Variants in CCDC62 observed in about 807,000 individuals in gnomAD.
CCDC62 encodes coiled-coil domain-containing protein 62.
A neutral mutation model predicts 80.8 loss-of-function variants in CCDC62; 72 were observed. The observed-to-expected ratio is 0.89, with a 90% CI of 0.74 to 1.08. CCDC62 has a LOEUF of 1.08. CCDC62 is among the 50% of genes least tolerant of loss of function. CCDC62 has a pLI of 0.00. For missense variants in CCDC62, 704 were observed against 809.4 expected, an observed-to-expected ratio of 0.87 and a Z score of 1.58; for synonymous variants, 286 against 296.5, an observed-to-expected ratio of 0.96 and a Z score of 0.36.
At chr12:122,780,474 C>T (rs553154311) in intron 2 of CCDC62, among the ~76,000 whole-genome samples, 1 of 151,318 alleles carries the variant, frequency 6.6e-6, no homozygotes, top group East Asian at 1.9e-4. Context: ...ATTAGCCAGG[C>T]GTGGTGGCAG....
rs76251935 is a variant in CCDC62, at chr12:122,815,968, T to A, written c.2001+2549T>A. Among the ~76,000 whole-genome samples, 505 of 152,308 alleles carry A rather than the reference T, an allele frequency of 3.3e-3. 2 individuals carry two copies. The highest frequency in any genetic ancestry group is 0.011 in the African/African-American group (470 of 41,582). The stretch of plus-strand genomic sequence containing the variant: ...CTCTCTGATGGCAATTCTTGCTTAG[T>A]CCTTCAGATTGGTATTTTGTTAGAT... On this transcript the variant is annotated intron_variant, in intron 11 of 12. Transcript: ENST00000253079.
intron 2 of CCDC62, among the ~76,000 whole-genome samples, chr12:122,780,122 C>T (rs1352884634): frequency 4.2e-4 from 56 of 133,826 alleles, no homozygotes; most frequent in East Asian, 1.6e-3. Context: ...CCATCCTGGC[C>T]AATATGGTGA....
At chr12:122,821,827 ATAG>A (rs2032413185) in intron 11 of CCDC62, among the ~76,000 whole-genome samples, 1 of 152,184 alleles carries the variant, frequency 6.6e-6, no homozygotes, top group African/African-American at 2.4e-5. Flanking sequence ...TGTATATAAC[ATAG>A]TAGAATGACT....
Position 122,781,202 on chromosome 12 carries a change from A to G in CCDC62, c.268A>G (p.Thr90Ala), listed in dbSNP as rs1379678871. 1 of 1,614,098 alleles carries G rather than the reference A, an allele frequency of 6.2e-7. No individual in the cohort carries two copies. The highest frequency in any genetic ancestry group is 8.5e-7 in the Non-Finnish European group (1 of 1,179,964). The change falls in exon 3 of 13, where the codon ACG becomes GCG. Residue 90 changes from threonine to alanine, a missense_variant. Physicochemically the swap from Thr to Ala is moderately conservative, Grantham distance 58 (BLOSUM62 0). Coordinates refer to ENST00000253079, the MANE Select transcript of CCDC62 (RefSeq NM_201435.5). Reference sequence around the variant, plus strand: ...AAGAACTGAAATAATCAGGTCACTCACGAAGAAGGTAAAAGCTCTTGAATC... The same window carrying G: ...AAGAACTGAAATAATCAGGTCACTCGCGAAGAAGGTAAAAGCTCTTGAATC... ...HKRTEIIRSL[T>A]KKVKALESNQ...
chr12:122,822,010 C>T (rs371019061), intron 11 of CCDC62, among the ~76,000 whole-genome samples: 14 of 147,272 alleles, frequency 9.5e-5, no homozygotes, highest in African/African-American at 2.5e-4. Context: ...AGGAGGATCA[C>T]GTGAAGCCAG....
Position 122,797,694 on chromosome 12 carries a change from C to T in CCDC62, c.861+299C>T, listed in dbSNP as rs113253752. Among the ~76,000 whole-genome samples, 252 of 152,200 alleles carry T rather than the reference C, an allele frequency of 1.7e-3. 1 individual carries two copies. The highest frequency in any genetic ancestry group is 5.8e-3 in the African/African-American group (240 of 41,518). On this transcript the variant is annotated intron_variant, in intron 7 of 12. Transcript: ENST00000253079. Reference sequence around the variant, plus strand: ...TAGCTGGGATTACATGTGCCCACCACCACGCCCAGCCAATTTTTTGTATTT... The same window carrying T: ...TAGCTGGGATTACATGTGCCCACCATCACGCCCAGCCAATTTTTTGTATTT...
rs1448329518 is a variant in CCDC62, at chr12:122,806,299, C to T, written c.1851+4C>T. 7 of 1,602,152 alleles carry T rather than the reference C, an allele frequency of 4.4e-6. No homozygotes were observed. Among genetic ancestry groups the T allele is most frequent in the African/African-American group, 1.3e-5 (1 of 74,522 alleles). On this transcript the variant is annotated splice_donor_region_variant and intron_variant, in intron 10 of 12. Coordinates refer to ENST00000253079, the MANE Select transcript of CCDC62 (RefSeq NM_201435.5). ...TGCACCAGCATTCAATGAAAAGGTT[C>T]GTATTTTGCTTAGACATCCCCAGCT...
At position 122,801,180 on chromosome 12, in the gene CCDC62, G is replaced by A. The variant is rs1356200326; in HGVS notation, c.1034G>A (p.Arg345Lys). 1.2e-6 allele frequency: 2 copies of A among 1,613,772 alleles called. No individual in the cohort carries two copies. Among genetic ancestry groups the A allele is most frequent in the Non-Finnish European group, 1.7e-6 (2 of 1,179,938 alleles). The change falls in exon 9 of 13, where the codon AGG (arginine) becomes AAG (lysine). Residue 345 changes from arginine (R) to lysine (K), a missense_variant. Transcript: ENST00000253079. ...AACCACCCAAAAGTCGATATTAAGAGGGAAAAAAATCAGAAGTCACTGTTT... is the reference window on the plus strand; with the variant it reads ...AACCACCCAAAAGTCGATATTAAGAAGGAAAAAAATCAGAAGTCACTGTTT... ...ENNHPKVDIK[R>K]EKNQKSLFKD...
chr12:122,820,061 C>CAAAAAAAAAAAAAAAAAAAAAAAAAA (rs34620795), intron 11 of CCDC62, among the ~76,000 whole-genome samples: 1 of 58,122 alleles, frequency 1.7e-5, no homozygotes, highest in African/African-American at 7.9e-5. Flanking sequence ...GATCCTGTCT[C>CAAAAAAAAAAAAAAAAAAAAAAAAAA]AAAAAAAAAA....
chr12:122,821,196 T>C (rs1038371927), intron 11 of CCDC62, among the ~76,000 whole-genome samples: 2 of 152,180 alleles, frequency 1.3e-5, no homozygotes, highest in African/African-American at 2.4e-5. Context: ...ACCACTGTTT[T>C]CAACACGGCT....
chr12:122,792,285 A>G (rs1387099559), intron 6 of CCDC62, among the ~76,000 whole-genome samples, 164 bp downstream of exon 6: 3 of 149,998 alleles, frequency 2.0e-5, no homozygotes, highest in Admixed American at 6.7e-5. Context: ...CAGTGGTGCA[A>G]TCTCGTCTGA....
intron 11 of CCDC62, among the ~76,000 whole-genome samples, chr12:122,816,322 A>G (rs769797486): frequency 1.3e-5 from 2 of 152,318 alleles, no homozygotes; most frequent in Non-Finnish European, 2.9e-5. Flanking sequence ...GTGCTTAGCT[A>G]TCCCTTTAAA....
chr12:122,825,735 C>T (rs548021710), intron 12 of CCDC62, among the ~76,000 whole-genome samples: 1 of 149,934 alleles, frequency 6.7e-6, no homozygotes. Context: ...CCTGTAATCT[C>T]AGCACTTTGG....
At chr12:122,775,472 A>T (rs1879384364) in intron 1 of CCDC62, among the ~76,000 whole-genome samples, 1 of 152,206 alleles carries the variant, frequency 6.6e-6, no homozygotes, top group African/African-American at 2.4e-5. Flanking sequence ...TGGCCCAGCC[A>T]CTGGCGCTCA....
rs1238006825 is a variant in CCDC62 at position 122,784,038 on chromosome 12, G to A, written c.397-1681G>A. Among the ~76,000 whole-genome samples the A allele has an allele frequency of 4.6e-5, 7 of 152,220 alleles. No homozygotes were observed. The East Asian group carries it at 9.6e-4, about 21-fold the overall frequency. ...AGTTTCACTGTCCTAAAAATCCTCT[G>A]TGATCTACCCTTCATCCCTTCCTCC... is the stretch of plus-strand genomic sequence containing the variant. On this transcript the variant is annotated intron_variant, in intron 3 of 12. Transcript: ENST00000253079.
rs2032678922 is a variant in CCDC62, at chr12:122,827,502, T to G, written c.*1121T>G. On this transcript the variant is annotated 3_prime_UTR_variant, in exon 13 of 13. Transcript: ENST00000253079. The stretch of plus-strand genomic sequence containing the variant: ...GAGGTTTGGTTATGTTCTTTATCAA[T>G]GCGTGCTTTCTCCCTCAGGCTGGGC... 1.3e-5 allele frequency: 2 copies of G among 152,188 alleles called. No individual in the cohort carries two copies. The highest frequency in any genetic ancestry group is 2.9e-5 in the Non-Finnish European group (2 of 68,046). 9.4% of individuals were successfully genotyped at this position (152,188 alleles called of 1,614,324 possible). A position where few individuals can be genotyped will look rare whatever the true frequency, so the allele number is the denominator to read the frequency against.
chr12:122,777,756 TAGAG>T (rs1293417051), intron 2 of CCDC62, 73 bp downstream of exon 2: 20 of 1,417,478 alleles, frequency 1.4e-5, no homozygotes, highest in South Asian at 4.9e-5. Context: ...ATAGGGAAGA[TAGAG>T]AGGAAGTAAA....
chr12:122,801,100 A>T lies in CCDC62; in HGVS notation c.978-24A>T, dbSNP rs747866596. On this transcript the variant is annotated intron_variant, in intron 8 of 12. Coordinates refer to ENST00000253079, the MANE Select transcript of CCDC62 (RefSeq NM_201435.5). ...GCATCAAGTATATCTTATAACCTCC[A>T]TTTTTTTTCTAATGCCACCATAGCA... 31 of 1,582,560 alleles carry T rather than the reference A, an allele frequency of 2.0e-5. No individual in the cohort carries two copies. In the South Asian group the frequency reaches 3.5e-4, roughly 18 times the overall value.
chr12:122,782,615 T>C (rs2029935177), intron 3 of CCDC62, among the ~76,000 whole-genome samples: 1 of 152,026 alleles, frequency 6.6e-6, no homozygotes. Context: ...TGCACCACTA[T>C]GCCCAGCTAA....
Sources: gnomAD v4.1 joint callset for allele counts (sites outside exome capture counted in the v4.1 genomes callset) on GRCh38, gnomAD v4.1.1 for gene constraint, MANE v1.5 for transcripts, NCBI Gene and HGNC (gene_info 2026-07-23, HGNC 2026-07-21) for gene names.